The following DLGAP1 variants were observed in gnomAD, a reference collection of about 807,000 sequenced individuals.
DLGAP1 encodes the protein DLG associated protein 1, also known as disks large-associated protein 1.
In DLGAP1, 11 loss-of-function variants were observed where a neutral mutation model predicts 90.8. The ratio of observed to expected loss-of-function variants is 0.12; its 90% CI spans 0.08 to 0.20. The LOEUF (loss-of-function observed/expected upper bound fraction) is 0.20. Ranked by LOEUF, DLGAP1 falls within the 10% of genes least tolerant of loss-of-function variation. The probability of loss-of-function intolerance (pLI) is 1.00; values close to 1 mark genes in which losing one functional copy is unlikely to be tolerated. For missense variants in DLGAP1, 1,050 were observed against 1,333.8 expected (o/e 0.79, Z 3.31); for synonymous variants, 558 against 540.7 (o/e 1.03, Z -0.44).
In DLGAP1 at chr18:3,915,349, T is replaced by C. The variant is rs149803912; in HGVS notation, c.-72-35209A>G. Among the ~76,000 whole-genome samples, 312 of 152,334 alleles carry C rather than the reference T, an allele frequency of 2.0e-3. 1 individual carries two copies. Among genetic ancestry groups the C allele is most frequent in the African/African-American group, 7.3e-3 (302 of 41,578 alleles). On this transcript the variant is annotated intron_variant, in intron 3 of 12. Coordinates refer to ENST00000315677, the MANE Select transcript of DLGAP1 (RefSeq NM_004746.4). ...TGCCAAAAGCACACTAGCTGAGCTT[T>C]AGTCAAAGTCCCTGTGAAGTGAACC...
chr18:4,155,165 G>A (rs2076735500), intron 1 of DLGAP1, among the ~76,000 whole-genome samples: 1 of 152,060 alleles, frequency 6.6e-6, no homozygotes, highest in Non-Finnish European at 1.5e-5. Flanking sequence ...GGACTGCAGG[G>A]TTATAGTGCT....
In DLGAP1 at chr18:3,556,675, T is replaced by C. The variant is rs541845063; in HGVS notation, c.2057+10815A>G. On this transcript the variant is annotated intron_variant, in intron 9 of 12. Coordinates refer to ENST00000315677, the MANE Select transcript of DLGAP1 (RefSeq NM_004746.4). Reference sequence around the variant, plus strand: ...ATTGACCTACTAAAGGACAACTTGGTTGGTTCCAAGTTTGGGTGATTAGAA... The same window carrying C: ...ATTGACCTACTAAAGGACAACTTGGCTGGTTCCAAGTTTGGGTGATTAGAA... 3.2e-4 allele frequency among the ~76,000 whole-genome samples: 49 copies of C among 152,340 alleles called. 1 individual carries two copies. The highest frequency in any genetic ancestry group is 1.1e-3 in the African/African-American group (45 of 41,580).
intron 9 of DLGAP1, among the ~76,000 whole-genome samples, chr18:3,559,241 G>A (rs930313327): frequency 1.3e-5 from 2 of 152,142 alleles, no homozygotes; most frequent in Non-Finnish European, 2.9e-5. Flanking sequence ...GAAATAACTC[G>A]AAGAACAGTT....
chr18:4,008,222 T>C (rs1278292521), intron 2 of DLGAP1, among the ~76,000 whole-genome samples: 10 of 141,802 alleles, frequency 7.1e-5, no homozygotes, highest in African/African-American at 2.7e-4. Flanking sequence ...TAAATATATA[T>C]ATATACACAC....
chr18:3,642,839 G>A (rs150939250), intron 7 of DLGAP1, among the ~76,000 whole-genome samples: 2,350 of 152,274 alleles, frequency 0.015, 32 homozygotes, highest in Non-Finnish European at 0.021. Context: ...TTAATATACT[G>A]CTGGTGGGAG....
intron 8 of DLGAP1, among the ~76,000 whole-genome samples, chr18:3,578,211 A>G (rs1344371492): frequency 6.6e-6 from 1 of 152,208 alleles, no homozygotes; most frequent in African/African-American, 2.4e-5. Flanking sequence ...TATGAATTAA[A>G]TGTAAAGTTT....
intron 2 of DLGAP1, among the ~76,000 whole-genome samples, chr18:4,106,444 C>T (rs1327009886): frequency 6.6e-6 from 1 of 152,214 alleles, no homozygotes; most frequent in African/African-American, 2.4e-5. Flanking sequence ...GAGGCTAGGG[C>T]GAGGAGTGGG....
At chr18:4,140,205 T>C (rs2076473643) in intron 2 of DLGAP1, among the ~76,000 whole-genome samples, 1 of 152,008 alleles carries the variant, frequency 6.6e-6, no homozygotes, top group African/African-American at 2.4e-5. Context: ...CCTGTCTTCC[T>C]TTCAGTGAAG....
At chr18:4,217,607 C>T (rs765836273) in intron 1 of DLGAP1, among the ~76,000 whole-genome samples, 7 of 151,500 alleles carry the variant, frequency 4.6e-5, no homozygotes, top group South Asian at 2.1e-4. Context: ...CAGACACACA[C>T]GCACATAATA....
intron 1 of DLGAP1, among the ~76,000 whole-genome samples, chr18:4,271,762 C>T (rs187771756): frequency 5.3e-5 from 8 of 152,270 alleles, no homozygotes; most frequent in Admixed American, 2.0e-4. Flanking sequence ...TTTTAACCCA[C>T]CTATTTCCCT....
At chr18:3,849,811 T>C (rs114388446) in intron 4 of DLGAP1, among the ~76,000 whole-genome samples, 9,163 of 152,252 alleles carry the variant, frequency 0.06, 344 homozygotes, top group Middle Eastern at 0.12. Flanking sequence ...CTAGTGATAG[T>C]AGGCATTTAA....
chr18:3,713,143 C>T (rs1182735324), intron 7 of DLGAP1, among the ~76,000 whole-genome samples: 1 of 152,212 alleles, frequency 6.6e-6, no homozygotes, highest in African/African-American at 2.4e-5. Context: ...AGCCTGGGTT[C>T]GTGTGGACTC....
At chr18:3,942,783 G>C (rs1161986150) in intron 3 of DLGAP1, among the ~76,000 whole-genome samples, 1 of 152,128 alleles carries the variant, frequency 6.6e-6, no homozygotes, top group Non-Finnish European at 1.5e-5. Flanking sequence ...AATGTTTCTT[G>C]AATTGAAAAA....
intron 1 of DLGAP1, among the ~76,000 whole-genome samples, chr18:4,381,543 C>T (rs2144319037): frequency 6.6e-6 from 1 of 152,232 alleles, no homozygotes; most frequent in Admixed American, 6.5e-5. Context: ...TTCTTACCTC[C>T]TTTCTAACAG....
At chr18:4,405,665 A>G (rs2144565316) in intron 1 of DLGAP1, among the ~76,000 whole-genome samples, 1 of 152,256 alleles carries the variant, frequency 6.6e-6, no homozygotes, top group Admixed American at 6.5e-5. Context: ...CTTAATACAA[A>G]GTGGCTTTCA....
intron 1 of DLGAP1, among the ~76,000 whole-genome samples, chr18:4,194,615 A>T (rs1012006916): frequency 6.6e-6 from 1 of 152,188 alleles, no homozygotes; most frequent in African/African-American, 2.4e-5. Flanking sequence ...TAGACTTATA[A>T]ATTATTTTCA....
At position 3,870,605 on chromosome 18, in the gene DLGAP1, CATCTATCTATCT is replaced by C. The variant is rs67573915; in HGVS notation, c.957+8495_957+8506del. ...ACCATACATATTTTATACATAAATA[CATCTATCTATCT>C]ATCTATCTATCTATCTATCTATCTA... On this transcript the variant is annotated intron_variant, in intron 4 of 12. Coordinates refer to ENST00000315677, the MANE Select transcript of DLGAP1 (RefSeq NM_004746.4). Among the ~76,000 whole-genome samples the C allele has an allele frequency of 6.1e-3, 910 of 148,222 alleles. 4 individuals are homozygous for C. Among genetic ancestry groups the C allele is most frequent in the East Asian group, 0.02 (102 of 5,012 alleles).
intron 7 of DLGAP1, among the ~76,000 whole-genome samples, chr18:3,594,973 C>G (rs2056492933): frequency 6.6e-6 from 1 of 152,174 alleles, no homozygotes; most frequent in African/African-American, 2.4e-5. Flanking sequence ...GACTGCAGGC[C>G]CAGCTACCCA....
chr18:4,447,607 G>T (rs9957281), intron 1 of DLGAP1, among the ~76,000 whole-genome samples: 17,763 of 151,768 alleles, frequency 0.12, 1,469 homozygotes, highest in African/African-American at 0.24. Context: ...ACACAAAGGG[G>T]TTTATAATAT....
Sources: gnomAD v4.1 joint callset for allele counts (sites outside exome capture counted in the v4.1 genomes callset) on GRCh38, gnomAD v4.1.1 for gene constraint, MANE v1.5 for transcripts, NCBI Gene and HGNC (gene_info 2026-07-23, HGNC 2026-07-21) for gene names.